Variants in MED16 observed in about 807,000 individuals in gnomAD.
The protein encoded by MED16 is mediator of RNA polymerase II transcription subunit 16.
In MED16, 81 loss-of-function variants were observed where a neutral mutation model predicts 84.4. The ratio of observed to expected loss-of-function variants is 0.96; its 90% CI spans 0.80 to 1.15. MED16 has a LOEUF of 1.15. MED16 is among the 50% of genes most tolerant of loss of function. The pLI is 0.00. For synonymous variants in MED16, 897 were observed against 552.2 expected, an observed-to-expected ratio of 1.62 and a Z score of -8.76; for missense variants, 1,585 against 1,245.9, an observed-to-expected ratio of 1.27 and a Z score of -4.10.
intron 1 of MED16, 130 bp from the exon 2 acceptor site, chr19:891,279 CCAGA>C (rs967200508): frequency 9.1e-6 from 8 of 875,954 alleles, no homozygotes; most frequent in Middle Eastern, 3.3e-4. Context: ...GGCCCGGAGG[CCAGA>C]CAGAGCCTGG....
chr19:877,560 G>A (rs1280564268), intron 8 of MED16, among the ~76,000 whole-genome samples: 1 of 92,768 alleles, frequency 1.1e-5, no homozygotes, highest in Non-Finnish European at 2.5e-5. Flanking sequence ...CCATCACACA[G>A]ACAAGGCAGC....
At chr19:879,621 C>G (rs1287915678) in intron 8 of MED16, among the ~76,000 whole-genome samples, 2 of 131,032 alleles carry the variant, frequency 1.5e-5, no homozygotes, top group Admixed American at 7.7e-5. Context: ...GCCCCCCAAG[C>G]CCAGCCCCAC....
intron 7 of MED16, among the ~76,000 whole-genome samples, chr19:880,460 G>C (rs906761420): frequency 6.6e-6 from 1 of 152,202 alleles, no homozygotes; most frequent in Non-Finnish European, 1.5e-5. Flanking sequence ...CTACAGGTGG[G>C]GGACCAAGGG....
At chr19:871,322 T>C (rs2036048379) in intron 12 of MED16, 69 bp from the exon 13 acceptor site, 1 of 1,447,404 alleles carries the variant, frequency 6.9e-7, no homozygotes, top group Non-Finnish European at 9.3e-7. Context: ...CGGGACGTGC[T>C]GGGAGCCCCT....
intron 13 of MED16, among the ~76,000 whole-genome samples, chr19:870,433 T>C (rs544375265): frequency 9.9e-5 from 15 of 152,048 alleles, no homozygotes; most frequent in Admixed American, 2.0e-4. Context: ...TGGTGGCTCA[T>C]GCCTGTAATC....
chr19:877,545 C>G (rs1043893152), intron 8 of MED16, among the ~76,000 whole-genome samples: 1 of 99,160 alleles, frequency 1.0e-5, no homozygotes, highest in African/African-American at 4.3e-5. Flanking sequence ...CTCAACAAGA[C>G]GAACCCATCA....
chr19:872,802 A>G (rs56228159), intron 11 of MED16: 224,665 of 224,764 alleles, frequency 1, 112,283 homozygotes, highest in Middle Eastern at 1. Context: ...GCAGCAGCAG[A>G]AGCAAGGCGA....
At chr19:870,884 T>C (rs1424835845) in intron 13 of MED16, among the ~76,000 whole-genome samples, 153 bp downstream of exon 13, 1 of 60,382 alleles carries the variant, frequency 1.7e-5, no homozygotes, top group Non-Finnish European at 3.1e-5. Flanking sequence ...ATTCGGGGGG[T>C]CCCGGGCAGG....
rs566654210 is a variant in MED16, at chr19:877,576, C to A, written c.1354-396G>T. Among the ~76,000 whole-genome samples the A allele has an allele frequency of 2.7e-5, 4 of 150,212 alleles. No homozygotes were observed. The East Asian group carries it at 7.7e-4, about 29-fold the overall frequency. The stretch of plus-strand genomic sequence containing the variant: ...CATCACACAGACAAGGCAGCGCAGG[C>A]AGGGGCTGGCGAGGGGCTTGCACCT... On this transcript the variant is annotated intron_variant, in intron 8 of 15. Coordinates refer to ENST00000325464, the MANE Select transcript of MED16 (RefSeq NM_005481.3).
At chr19:889,557 TGGAGA>T in intron 4 of MED16, 76 bp downstream of exon 4, 1 of 1,505,846 alleles carries the variant, frequency 6.6e-7, no homozygotes, top group East Asian at 2.3e-5. Flanking sequence ...ATGCTGGTGA[TGGAGA>T]GGAGAGGGGC....
At chr19:873,947 C>T (rs985936436) in intron 10 of MED16, among the ~76,000 whole-genome samples, 7 of 152,166 alleles carry the variant, frequency 4.6e-5, no homozygotes, top group Non-Finnish European at 1.0e-4. Context: ...CAGCGTGCAG[C>T]TGCAGCCACC....
At position 885,897 on chromosome 19, in the gene MED16, T is replaced by C; in HGVS notation, c.752A>G (p.Glu251Gly). Residue 251 changes from glutamate to glycine, a missense_variant, in exon 5 of 16, where the codon GAG becomes GGG. Transcript: ENST00000325464. ...FYKVCVSVVS[E>G]KCRIDTEILP... Reference sequence around the variant, plus strand: ...GATCTCCGTGTCGATACGGCACTTCTCGCTCACCACGCTCACGCACACCTT... The same window carrying C: ...GATCTCCGTGTCGATACGGCACTTCCCGCTCACCACGCTCACGCACACCTT... 6.2e-7 allele frequency: 1 copy of C among 1,613,676 alleles called. No individual in the cohort carries two copies. The highest frequency in any genetic ancestry group is 8.5e-7 in the Non-Finnish European group (1 of 1,179,962).
intron 1 of MED16, among the ~76,000 whole-genome samples, chr19:891,566 G>A (rs1331197148): frequency 1.3e-5 from 2 of 152,234 alleles, no homozygotes; most frequent in African/African-American, 4.8e-5. Flanking sequence ...AAGCGGTGGG[G>A]CGGCTCCCTG....
intron 5 of MED16, among the ~76,000 whole-genome samples, chr19:885,412 G>A (rs1471250310): frequency 6.6e-5 from 10 of 152,172 alleles, no homozygotes; most frequent in Non-Finnish European, 1.3e-4. Context: ...AGGGACCTGC[G>A]GGTGGGATTC....
In MED16 at chr19:871,674, G is replaced by C. The variant is rs375872831; in HGVS notation, c.2098+252C>G. On this transcript the variant is annotated intron_variant, in intron 12 of 15. Coordinates refer to ENST00000325464, the MANE Select transcript of MED16 (RefSeq NM_005481.3). ...ACCTGTGCTAGGAACTGGGGAAATA[G>C]CAGATATCAAGGCAGAGCCACTGCC... The C allele has an allele frequency of 2.0e-4, 316 of 1,574,664 alleles. 4 individuals carry two copies. In the African/African-American group the frequency reaches 2.1e-3, roughly 10 times the overall value.
chr19:873,724 G>A (rs746250239), intron 10 of MED16, 142 bp from the exon 11 acceptor site: 1 of 1,019,476 alleles, frequency 9.8e-7, no homozygotes, highest in Non-Finnish European at 1.4e-6. Flanking sequence ...ACGAGAAGGG[G>A]GCGATGGCGT....
chr19:885,729 T>G, intron 5 of MED16, 41 bp downstream of exon 5: 4 of 1,588,064 alleles, frequency 2.5e-6, no homozygotes, highest in Non-Finnish European at 3.4e-6. Flanking sequence ...AGTGCTTCAT[T>G]CCAAGCCTGC....
At chr19:890,108 C>T (rs2036604282) in intron 3 of MED16, 29 bp downstream of exon 3, 1 of 1,515,142 alleles carries the variant, frequency 6.6e-7, no homozygotes, top group African/African-American at 1.4e-5. Flanking sequence ...CGGGTCGCCA[C>T]CCCTGGCCAC....
In MED16 at chr19:871,110, G is replaced by GGGGCTGCTT. The variant is rs1568318310; in HGVS notation, c.2233_2241dup (p.Lys745_Pro747dup). On this transcript the variant is annotated inframe_insertion, in exon 13 of 16. Transcript: ENST00000325464. ...GGCGCCCGGCCAAACTGCAGACGAAGGGGCTGCTTGGGCTGCAGGCGGCTA... is the reference window on the plus strand; with the variant it reads ...GGCGCCCGGCCAAACTGCAGACGAAGGGGCTGCTTGGGCTGCTTGGGCTGCAGGCGGCTA... The GGGGCTGCTT allele has an allele frequency of 1.9e-5, 29 of 1,548,716 alleles. No homozygotes were observed. In the East Asian group the frequency reaches 3.2e-4, roughly 17 times the overall value.
Sources: allele counts gnomAD v4.1 joint callset (sites outside exome capture counted in the v4.1 genomes callset), GRCh38; gene constraint gnomAD v4.1.1; transcripts MANE v1.5; gene names NCBI Gene and HGNC (gene_info 2026-07-23, HGNC 2026-07-21).